The following SP3 variants were observed in gnomAD, a reference collection of about 807,000 sequenced individuals.
SP3 encodes transcription factor Sp3.
Under a neutral mutation model 70.3 loss-of-function variants are expected in SP3, and 10 were observed. That is an observed-to-expected ratio of 0.14 (90% CI 0.09 to 0.24). The LOEUF (loss-of-function observed/expected upper bound fraction) is 0.24. Among genes scored for constraint, SP3 ranks in the 10% least tolerant of loss-of-function variants. SP3 has a pLI of 1.00. For synonymous variants in SP3, 402 were observed against 333.5 expected (o/e 1.21, Z -2.24); for missense variants, 825 against 914.6 (o/e 0.90, Z 1.26).
intron 2 of SP3, chr2:173,964,107 G>A: frequency 5.7e-6 from 2 of 351,496 alleles, no homozygotes; most frequent in Non-Finnish European, 5.1e-6. Context: ...TCCGCGGGCA[G>A]GCGGGCGGCG....
chr2:173,927,542 T>A (rs937889510), intron 4 of SP3, among the ~76,000 whole-genome samples: 1 of 152,272 alleles, frequency 6.6e-6, no homozygotes, highest in Non-Finnish European at 1.5e-5. Flanking sequence ...TCTCCCAAAG[T>A]GCTGGGATTA....
At position 173,964,490 on chromosome 2, in the gene SP3, C is replaced by G. The variant is rs953051340; in HGVS notation, c.71G>C (p.Gly24Ala). Residue 24 changes from glycine to alanine, a missense_variant, in exon 2 of 7, where the codon GGT becomes GCT. Physicochemically the swap from Gly to Ala is moderately conservative, Grantham distance 60 (BLOSUM62 0). This residue lies in a region of SP3 where 678 missense variants were observed against 651.6 expected (regional missense o/e 1.04). Coordinates refer to ENST00000310015, the MANE Select transcript of SP3 (RefSeq NM_003111.5). The part of the protein sequence containing the change: ...AALDVDSGGG[G>A]GGGGGHGEYL... ...CTCGCCGTGGCCGCCGCCGCCGCCA[C>G]CGCCGCCGCCGCTATCCACGTCCAA... The G allele has an allele frequency of 1.0e-5, 7 of 698,874 alleles. No homozygotes were observed. In the African/African-American group the frequency reaches 1.1e-4, roughly 11 times the overall value. The allele number at this position is 698,874 out of a possible 1,614,324, so 43.3% of individuals were successfully genotyped here. A position where few individuals can be genotyped will look rare whatever the true frequency, so the allele number is the denominator to read the frequency against.
At chr2:173,957,950 ATGT>A (rs1160122936) in intron 3 of SP3, among the ~76,000 whole-genome samples, 4 of 152,190 alleles carry the variant, frequency 2.6e-5, no homozygotes, top group African/African-American at 9.6e-5. Context: ...AGAAATTACA[ATGT>A]TAAGTCACCT....
In SP3 at chr2:173,905,777, T is replaced by A. The variant is rs150033966; in HGVS notation, c.*4164A>T. Among the ~76,000 whole-genome samples, 100 of 152,056 alleles carry A rather than the reference T, an allele frequency of 6.6e-4. No individual in the cohort carries two copies. The East Asian group carries it at 0.013, about 20-fold the overall frequency. On this transcript the variant is annotated 3_prime_UTR_variant, in exon 7 of 7. Coordinates refer to ENST00000310015, the MANE Select transcript of SP3 (RefSeq NM_003111.5). Reference sequence around the variant, plus strand: ...ACTTTGGGAGGCAGAGGTGGAAGGATCACTTGAGCCCAGGAATTCAAGACC... The same window carrying A: ...ACTTTGGGAGGCAGAGGTGGAAGGAACACTTGAGCCCAGGAATTCAAGACC...
intron 4 of SP3, among the ~76,000 whole-genome samples, chr2:173,922,994 T>C (rs569266987): frequency 1.3e-5 from 2 of 152,342 alleles, no homozygotes; most frequent in East Asian, 1.9e-4. Context: ...TTATATTCTG[T>C]AGCAATAGTG....
chr2:173,918,875 C>A, intron 4 of SP3, 90 bp from the exon 5 acceptor site: 2 of 1,160,408 alleles, frequency 1.7e-6, no homozygotes, highest in South Asian at 3.1e-5. Context: ...CCCAATGTTA[C>A]AACTTTGCAT....
At chr2:173,939,547 T>C (rs2105480684) in intron 4 of SP3, among the ~76,000 whole-genome samples, 1 of 152,228 alleles carries the variant, frequency 6.6e-6, no homozygotes, top group South Asian at 2.1e-4. Flanking sequence ...GTAGATCACC[T>C]GAGGTCAGGA....
intron 1 of SP3, 152 bp from the exon 2 acceptor site, chr2:173,964,705 G>GCGGCGA: frequency 2.4e-6 from 1 of 414,426 alleles, no homozygotes; most frequent in Non-Finnish European, 4.2e-6. Flanking sequence ...GGCGGCGGCG[G>GCGGCGA]CTCCCTCCTC....
In SP3 at chr2:173,904,841, C is replaced by CT. The variant is rs201220479; in HGVS notation, c.*5099dup. The stretch of plus-strand genomic sequence containing the variant: ...GTTGTCGATTAATCGGAGGCTTAGA[C>CT]TTTTTTTTGTGGGGGAAGGATGGAG... On this transcript the variant is annotated 3_prime_UTR_variant, in exon 7 of 7. Coordinates refer to ENST00000310015, the MANE Select transcript of SP3 (RefSeq NM_003111.5). Among the ~76,000 whole-genome samples the CT allele has an allele frequency of 0.01, 1,558 of 152,092 alleles. 27 individuals are homozygous for CT. The highest frequency in any genetic ancestry group is 0.035 in the African/African-American group (1,465 of 41,484).
At chr2:173,911,612 T>C (rs1689484004) in intron 6 of SP3, among the ~76,000 whole-genome samples, 1 of 152,176 alleles carries the variant, frequency 6.6e-6, no homozygotes, top group South Asian at 2.1e-4. Context: ...CACTATTTCC[T>C]ACACTTATTT....
rs1377295726 is a variant in SP3 at position 173,904,549 on chromosome 2, TTC to T, written c.*5390_*5391del. Among the ~76,000 whole-genome samples, 1 of 152,182 alleles carries T rather than the reference TTC, an allele frequency of 6.6e-6. No individual in the cohort carries two copies. The highest frequency in any genetic ancestry group is 6.5e-5 in the Admixed American group (1 of 15,272). Reference sequence around the variant, plus strand: ...GTTATCAGGAATCAAGAAAGCCATTTTCTTTTTCTTCTGGGGTTGAATGTCAT... The same window carrying T: ...GTTATCAGGAATCAAGAAAGCCATTTTTTTTCTTCTGGGGTTGAATGTCAT... On this transcript the variant is annotated 3_prime_UTR_variant, in exon 7 of 7. Transcript: ENST00000310015.
intron 5 of SP3, among the ~76,000 whole-genome samples, chr2:173,917,229 T>G (rs1324347580): frequency 6.6e-6 from 1 of 152,146 alleles, no homozygotes; most frequent in African/African-American, 2.4e-5. Context: ...TAATTTATCT[T>G]AAAAGCCCCT....
chr2:173,956,291 A>T (rs1690892184), intron 3 of SP3, 59 bp from the exon 4 acceptor site: 13 of 1,503,288 alleles, frequency 8.6e-6, no homozygotes, highest in Non-Finnish European at 1.1e-5. Context: ...AACCCTCAAA[A>T]AATTCTAAAA....
intron 4 of SP3, among the ~76,000 whole-genome samples, chr2:173,946,697 G>A (rs1420247990): frequency 6.7e-6 from 1 of 148,762 alleles, no homozygotes; most frequent in East Asian, 2.0e-4. Context: ...TCTGACATCT[G>A]TGTGGCTAAA....
chr2:173,910,969 CA>C (rs1689465890), intron 6 of SP3, among the ~76,000 whole-genome samples: 4 of 152,138 alleles, frequency 2.6e-5, no homozygotes. Context: ...AAAGAGAAGA[CA>C]AAAGGCCAAC....
At chr2:173,934,375 CT>C (rs2105475762) in intron 4 of SP3, among the ~76,000 whole-genome samples, 1 of 152,214 alleles carries the variant, frequency 6.6e-6, no homozygotes, top group South Asian at 2.1e-4. Flanking sequence ...CTTACCAAGT[CT>C]TTTTGAGTGG....
rs1234492645 is a variant in SP3, at chr2:173,907,284, T to TA, written c.*2656dup. On this transcript the variant is annotated 3_prime_UTR_variant, in exon 7 of 7. Coordinates refer to ENST00000310015, the MANE Select transcript of SP3 (RefSeq NM_003111.5). ...ATAAAGCAATTGACAAAACACCTAT[T>TA]AGAGTATACCTACCCTGAGAATTAT... 3.3e-5 allele frequency: 5 copies of TA among 152,164 alleles called. No homozygotes were observed. The highest frequency in any genetic ancestry group is 4.1e-4 in the South Asian group (2 of 4,836). 9.4% of individuals were successfully genotyped at this position (152,164 alleles called of 1,614,324 possible).
intron 2 of SP3, 127 bp downstream of exon 2, chr2:173,964,278 G>GGGGGAGGGGAGTGGA (rs1258991859): frequency 2.7e-5 from 14 of 519,706 alleles, no homozygotes; most frequent in South Asian, 2.4e-4. Context: ...TCCCGGGGCG[G>GGGGGAGGGGAGTGGA]GGGGAGGGGA....
intron 5 of SP3, 26 bp downstream of exon 5, chr2:173,918,565 AAT>A (rs1296272148): frequency 1.3e-6 from 2 of 1,593,430 alleles, no homozygotes; most frequent in Non-Finnish European, 8.6e-7. Context: ...CACTCTTAAA[AAT>A]ATATATGTGT....
Sources: gnomAD v4.1 joint callset for allele counts (sites outside exome capture counted in the v4.1 genomes callset) on GRCh38, gnomAD v4.1.1 for gene constraint, gnomAD v4.1.1 regional missense constraint, MANE v1.5 for transcripts, NCBI Gene and HGNC (gene_info 2026-07-23, HGNC 2026-07-21) for gene names.